Variants in LMX1B observed in about 807,000 individuals in gnomAD.
LMX1B encodes the protein LIM homeobox transcription factor 1-beta.
LMX1B carries 12 observed loss-of-function variants against 51.4 expected under a neutral mutation model. That is an observed-to-expected ratio of 0.23 (90% CI 0.15 to 0.38). LMX1B has a LOEUF of 0.38. Ranked by LOEUF, LMX1B falls within the 10% of genes least tolerant of loss-of-function variation. The pLI is 1.00. For synonymous variants in LMX1B, 237 were observed against 235.4 expected, an observed-to-expected ratio of 1.01 and a Z score of -0.06; for missense variants, 445 against 571.1, an observed-to-expected ratio of 0.78 and a Z score of 2.25.
chr9:126,694,456 G>GC (rs1249304471), intron 6 of LMX1B, among the ~76,000 whole-genome samples: 1 of 152,234 alleles, frequency 6.6e-6, no homozygotes, highest in African/African-American at 2.4e-5. Context: ...GGGACTAGCT[G>GC]CAGGGGCATG....
intron 2 of LMX1B, among the ~76,000 whole-genome samples, chr9:126,684,171 G>C (rs78201083): frequency 0.036 from 5,419 of 152,200 alleles, 262 homozygotes; most frequent in African/African-American, 0.11. Flanking sequence ...TTCCAGCAGT[G>C]GTTGCTGCTG....
chr9:126,621,434 G>A (rs1179517935), intron 2 of LMX1B, among the ~76,000 whole-genome samples: 1 of 152,238 alleles, frequency 6.6e-6, no homozygotes, highest in Non-Finnish European at 1.5e-5. Flanking sequence ...ACTGCAGTCA[G>A]AAGTGGAGAG....
chr9:126,696,347 A>C lies in LMX1B; in HGVS notation c.1105A>C (p.Ser369Arg). 1 of 1,614,046 alleles carries C rather than the reference A, an allele frequency of 6.2e-7. No individual in the cohort carries two copies. Among genetic ancestry groups the C allele is most frequent in the South Asian group, 1.1e-5 (1 of 91,084 alleles). Residue 369 changes from serine (S) to arginine (R), a missense_variant, in exon 8 of 8, where the codon AGC becomes CGC. This residue lies in a region of LMX1B where 162 missense variants were observed against 187.8 expected (regional missense o/e 0.86). Coordinates refer to ENST00000373474, the MANE Select transcript of LMX1B (RefSeq NM_001174147.2). ...IDSDTSLTSL[S>R]DCFLGSSDVG... ...CAGCGATACCTCCTTAACCAGCCTC[A>C]GCGACTGCTTCCTCGGCTCCTCAGA...
intron 1 of LMX1B, 88 bp downstream of exon 1, chr9:126,614,676 T>C: frequency 7.4e-7 from 1 of 1,344,588 alleles, no homozygotes; most frequent in Non-Finnish European, 9.9e-7. Flanking sequence ...GGCCAACGGA[T>C]AAAGGAAATG....
chr9:126,689,944 G>A (rs1293339121), intron 2 of LMX1B, among the ~76,000 whole-genome samples: 1 of 152,210 alleles, frequency 6.6e-6, no homozygotes, highest in Non-Finnish European at 1.5e-5. Flanking sequence ...CTTAGAGCAG[G>A]GCTGGCACTC....
At chr9:126,690,777 A>G (rs537197829) in intron 2 of LMX1B, 59 bp from the exon 3 acceptor site, 1 of 1,438,640 alleles carries the variant, frequency 7.0e-7, no homozygotes, top group Non-Finnish European at 9.5e-7. Flanking sequence ...CCTCGGCAGG[A>G]GTGGCCTCTG....
chr9:126,676,004 G>A (rs1357105895), intron 2 of LMX1B, among the ~76,000 whole-genome samples: 2 of 147,572 alleles, frequency 1.4e-5, no homozygotes, highest in African/African-American at 2.5e-5. Flanking sequence ...AGCCGAGATC[G>A]CGCCACTGCA....
intron 2 of LMX1B, among the ~76,000 whole-genome samples, chr9:126,629,979 A>C (rs1406274088): frequency 6.6e-6 from 1 of 151,976 alleles, no homozygotes; most frequent in African/African-American, 2.4e-5. Flanking sequence ...CCCCGTCTCC[A>C]CTAAAAATAC....
intron 2 of LMX1B, among the ~76,000 whole-genome samples, chr9:126,666,301 A>G (rs2118934011): frequency 6.6e-6 from 1 of 152,264 alleles, no homozygotes; most frequent in Middle Eastern, 3.4e-3. Flanking sequence ...ACAGCCCTGG[A>G]GGGGCAGGGG....
chr9:126,680,847 C>G (rs896389041), intron 2 of LMX1B, among the ~76,000 whole-genome samples: 1 of 152,166 alleles, frequency 6.6e-6, no homozygotes, highest in South Asian at 2.1e-4. Flanking sequence ...CATCATAGCT[C>G]GCAGCCTCCC....
rs2030517870 is a variant in LMX1B, at chr9:126,700,795, C to G, written c.*4344C>G. ...CCCAGCCAGGTGTGGGGATGGGCCACCGGCCATTCCTGTTTTCCTTGTACA... is the reference window on the plus strand; with the variant it reads ...CCCAGCCAGGTGTGGGGATGGGCCAGCGGCCATTCCTGTTTTCCTTGTACA... On this transcript the variant is annotated 3_prime_UTR_variant, in exon 8 of 8. Coordinates refer to ENST00000373474, the MANE Select transcript of LMX1B (RefSeq NM_001174147.2). The G allele has an allele frequency of 6.6e-6, 1 of 152,228 alleles. No individual in the cohort carries two copies. Among genetic ancestry groups the G allele is most frequent in the South Asian group, 2.1e-4 (1 of 4,832 alleles). The allele number at this position is 152,228 out of a possible 1,614,324, so 9.4% of individuals were successfully genotyped here.
At position 126,619,623 on chromosome 9, in the gene LMX1B, C is replaced by A. The variant is rs140256280; in HGVS notation, c.326+4054C>A. On this transcript the variant is annotated intron_variant, in intron 2 of 7. Coordinates refer to ENST00000373474, the MANE Select transcript of LMX1B (RefSeq NM_001174147.2). ...CCCTGGCAGCCCAAGTCTGGGGACC[C>A]TCTGGCCCTTTGGAGGGTACCTCTC... 4.6e-3 allele frequency among the ~76,000 whole-genome samples: 708 copies of A among 152,320 alleles called. 4 individuals carry two copies. The highest frequency in any genetic ancestry group is 0.014 in the Middle Eastern group (4 of 294).
In LMX1B at chr9:126,615,745, G is replaced by A. The variant is rs545579733; in HGVS notation, c.326+176G>A. ...GGCTGGGGCGGACCAGCCCAGCCCA[G>A]CGGGCACTGATGGGGTCCTGGGAGC... On this transcript the variant is annotated intron_variant, in intron 2 of 7. Coordinates refer to ENST00000373474, the MANE Select transcript of LMX1B (RefSeq NM_001174147.2). This position sits in a 1 kb window ranked among gnomAD's most constrained non-coding sequence, Gnocchi z 6.0. 6.6e-6 allele frequency among the ~76,000 whole-genome samples: 1 copy of A among 152,204 alleles called. No individual in the cohort carries two copies. Among genetic ancestry groups the A allele is most frequent in the South Asian group, 2.1e-4 (1 of 4,804 alleles).
intron 2 of LMX1B, among the ~76,000 whole-genome samples, chr9:126,654,984 G>A (rs1233316929): frequency 6.6e-6 from 1 of 152,220 alleles, no homozygotes; most frequent in African/African-American, 2.4e-5. Flanking sequence ...CCACAGCTGT[G>A]ACACCCAGTC....
At chr9:126,642,718 G>C (rs1835831280) in intron 2 of LMX1B, among the ~76,000 whole-genome samples, 1 of 152,246 alleles carries the variant, frequency 6.6e-6, no homozygotes, top group Non-Finnish European at 1.5e-5. Context: ...AAACAAGGGG[G>C]AAGAAATGCT....
intron 2 of LMX1B, among the ~76,000 whole-genome samples, chr9:126,678,281 G>T (rs1836605000): frequency 6.7e-6 from 1 of 148,160 alleles, no homozygotes; most frequent in South Asian, 2.1e-4. Context: ...TTGCACCCCA[G>T]CCTGGGCGAC....
rs1180709634 is a variant in LMX1B, at chr9:126,693,266, G to T, written c.684G>T (p.Thr228=). 1 of 1,611,626 alleles carries T rather than the reference G, an allele frequency of 6.2e-7. No individual in the cohort carries two copies. Among genetic ancestry groups the T allele is most frequent in the African/African-American group, 1.3e-5 (1 of 74,872 alleles). The change falls in exon 4 of 8, where the codon ACG becomes ACT. Residue 228 remains threonine, a synonymous_variant. Coordinates refer to ENST00000373474, the MANE Select transcript of LMX1B (RefSeq NM_001174147.2). ...AGCGACCCCGGACCATCCTCACCAC[G>T]CAGCAGCGAAGAGCCTTCAAGGCCT... The part of the protein sequence containing the change: ...RPKRPRTILT[T]QQRRAFKASF...
At chr9:126,640,860 A>T (rs922819364) in intron 2 of LMX1B, 1 of 152,268 alleles carries the variant, frequency 6.6e-6, no homozygotes, top group Non-Finnish European at 1.5e-5. Context: ...GTGGCCAGCC[A>T]GGGGTGGCCT....
At chr9:126,669,238 CCG>C (rs1383163224) in intron 2 of LMX1B, among the ~76,000 whole-genome samples, 2 of 117,514 alleles carry the variant, frequency 1.7e-5, no homozygotes, top group African/African-American at 7.0e-5. Context: ...CAAGGCCTGG[CCG>C]CGAGGAGGGT....
Sources: allele counts gnomAD v4.1 joint callset (sites outside exome capture counted in the v4.1 genomes callset), GRCh38; gene constraint gnomAD v4.1.1; regional missense constraint gnomAD v4.1.1; non-coding constraint Gnocchi (gnomAD v3.1); transcripts MANE v1.5; gene names NCBI Gene and HGNC (gene_info 2026-07-23, HGNC 2026-07-21).